KYAT3: variants seen among roughly 807,000 people sequenced by gnomAD.
The protein encoded by KYAT3 is kynurenine--oxoglutarate transaminase 3.
A neutral mutation model predicts 59.0 loss-of-function variants in KYAT3; 50 were observed. The ratio of observed to expected loss-of-function variants is 0.85; its 90% CI spans 0.68 to 1.07. The LOEUF is 1.07. KYAT3 is among the 50% of genes least tolerant of loss of function. The pLI, the probability that KYAT3 is intolerant of heterozygous loss-of-function variation, is 0.00. For missense variants in KYAT3, 497 were observed against 533.3 expected (o/e 0.93, Z 0.67); for synonymous variants, 148 against 177.0 (o/e 0.84, Z 1.30).
chr1:88,989,716 T>C (rs1385951380), intron 1 of KYAT3, among the ~76,000 whole-genome samples: 1 of 152,160 alleles, frequency 6.6e-6, no homozygotes, highest in East Asian at 1.9e-4. Flanking sequence ...ACTCTCTAGG[T>C]ACCAGGCCTC....
Position 88,959,108 on chromosome 1 carries a change from T to C in KYAT3, c.787+2059A>G, listed in dbSNP as rs925504788. Among the ~76,000 whole-genome samples the C allele has an allele frequency of 3.9e-5, 6 of 151,928 alleles. No homozygotes were observed. The East Asian group carries it at 9.7e-4, about 25-fold the overall frequency. ...GTCCGAGCAACATAGTGAGATGCTA[T>C]CTCTACAAAAATTTTTAAAAAATTA... On this transcript the variant is annotated intron_variant, in intron 8 of 13. Transcript: ENST00000260508.
intron 9 of KYAT3, among the ~76,000 whole-genome samples, chr1:88,954,194 G>A (rs1675810104): frequency 1.3e-5 from 2 of 152,128 alleles, no homozygotes; most frequent in Admixed American, 1.3e-4. Flanking sequence ...TACCACGCCT[G>A]GCCGATGCTC....
intron 2 of KYAT3, chr1:88,983,105 T>A: frequency 1.9e-6 from 3 of 1,612,398 alleles, no homozygotes; most frequent in Non-Finnish European, 2.5e-6. Flanking sequence ...ACGGTAAGTA[T>A]AATCTCGTGG....
At chr1:88,971,114 T>C (rs1388837893) in intron 2 of KYAT3, among the ~76,000 whole-genome samples, 1 of 152,186 alleles carries the variant, frequency 6.6e-6, no homozygotes, top group Admixed American at 6.5e-5. Flanking sequence ...CTCTTGTCTA[T>C]CTCTAACACA....
intron 4 of KYAT3, among the ~76,000 whole-genome samples, chr1:88,967,997 G>A (rs1271313129): frequency 6.6e-6 from 1 of 152,108 alleles, no homozygotes; most frequent in African/African-American, 2.4e-5. Context: ...TCTCACCAGT[G>A]TCAAACCCTG....
At chr1:88,949,744 T>A (rs1248327616) in intron 10 of KYAT3, among the ~76,000 whole-genome samples, 1 of 152,168 alleles carries the variant, frequency 6.6e-6, no homozygotes, top group Non-Finnish European at 1.5e-5. Context: ...GTGGAAATCC[T>A]TGCTGGAATT....
intron 8 of KYAT3, among the ~76,000 whole-genome samples, chr1:88,956,094 A>T (rs1379680793): frequency 1.3e-5 from 2 of 152,188 alleles, no homozygotes; most frequent in Non-Finnish European, 2.9e-5. Context: ...TATCAAACAC[A>T]CATATTTTCT....
chr1:88,982,810 G>C, intron 2 of KYAT3: 1 of 1,613,960 alleles, frequency 6.2e-7, no homozygotes. Context: ...TGCCAACCCT[G>C]TCACAACTTG....
At chr1:88,974,844 C>T (rs945337174) in intron 2 of KYAT3, among the ~76,000 whole-genome samples, 1 of 151,744 alleles carries the variant, frequency 6.6e-6, no homozygotes, top group African/African-American at 2.4e-5. Context: ...AATTAGCACT[C>T]TGTAAAATGG....
rs538350006 is a variant in KYAT3, at chr1:88,968,257, A to C, written c.303+413T>G. 4.3e-4 allele frequency among the ~76,000 whole-genome samples: 65 copies of C among 152,298 alleles called. 1 individual carries two copies. The South Asian group carries it at 0.013, about 32-fold the overall frequency. ...CGTCTGATCTAGAAAATCTTTGGCT[A>C]TCCTAGGCATTTCATTACAGAAGGA... is the stretch of plus-strand genomic sequence containing the variant. On this transcript the variant is annotated intron_variant, in intron 4 of 13. Coordinates refer to ENST00000260508, the MANE Select transcript of KYAT3 (RefSeq NM_001008661.3).
intron 8 of KYAT3, among the ~76,000 whole-genome samples, chr1:88,959,555 A>G (rs1676062824): frequency 7.0e-6 from 1 of 143,334 alleles, no homozygotes; most frequent in East Asian, 2.1e-4. Context: ...CCTGGGCAAC[A>G]GAGCAAGACT....
the KYAT3 span, among the ~76,000 whole-genome samples, chr1:88,924,096 A>G: frequency 6.6e-6 from 1 of 152,194 alleles, no homozygotes; most frequent in Non-Finnish European, 1.5e-5. Flanking sequence ...CACTGTGTTC[A>G]ATCTTAACTA....
At chr1:88,961,356 G>C in intron 7 of KYAT3, 25 bp downstream of exon 7, 1 of 1,613,548 alleles carries the variant, frequency 6.2e-7, no homozygotes, top group Non-Finnish European at 8.5e-7. Context: ...TCAGAAGACT[G>C]TATAAGGAGA....
chr1:88,967,421 G>T (rs1179000253), intron 4 of KYAT3, among the ~76,000 whole-genome samples: 1 of 151,372 alleles, frequency 6.6e-6, no homozygotes, highest in Non-Finnish European at 1.5e-5. Context: ...AGTAATTGCG[G>T]TTTTTGTCAT....
the KYAT3 span, among the ~76,000 whole-genome samples, chr1:88,930,094 A>G: frequency 2.0e-5 from 3 of 152,214 alleles, no homozygotes; most frequent in African/African-American, 7.2e-5. Context: ...CACAGGTCCG[A>G]GGGATCAGCT....
chr1:88,969,433 A>G lies in KYAT3; in HGVS notation c.134T>C (p.Ile45Thr). 6.3e-7 allele frequency: 1 copy of G among 1,577,424 alleles called. No homozygotes were observed. Among genetic ancestry groups the G allele is most frequent in the Non-Finnish European group, 8.7e-7 (1 of 1,148,074 alleles). The change falls in exon 3 of 14, where the codon ATT becomes ACT. Residue 45 changes from isoleucine (I) to threonine (T), a missense_variant. By Grantham distance (89) the Ile-to-Thr change is moderately conservative. Around this residue, in one of 2 missense-constraint regions of KYAT3, gnomAD observed 469 missense variants for 479.1 expected, o/e 0.98. Transcript: ENST00000260508. ...MSLKFTNAKR[I>T]EGLDSNVWIE... ...CCACACATTACTATCAAGTCCTTCA[A>G]TCCGTTTTGCATTTGTGAATTTCAG...
chr1:88,971,465 G>GTT (rs199814654), intron 2 of KYAT3, among the ~76,000 whole-genome samples: 2 of 151,016 alleles, frequency 1.3e-5, no homozygotes, highest in African/African-American at 4.9e-5. Context: ...GTTTCTCAAT[G>GTT]TTTTTTTTTA....
the KYAT3 span, among the ~76,000 whole-genome samples, chr1:88,926,553 C>T: frequency 2.6e-5 from 4 of 152,150 alleles, no homozygotes; most frequent in East Asian, 3.8e-4. Context: ...TGGGCTCAAG[C>T]GATCCTCCTG....
At chr1:88,941,432 T>C (rs966747653) in intron 13 of KYAT3, among the ~76,000 whole-genome samples, 1 of 152,182 alleles carries the variant, frequency 6.6e-6, no homozygotes, top group African/African-American at 2.4e-5. Flanking sequence ...AAAGGAGAAG[T>C]TTGATAGTGA....
Sources: allele counts gnomAD v4.1 joint callset (sites outside exome capture counted in the v4.1 genomes callset), GRCh38; gene constraint gnomAD v4.1.1; regional missense constraint gnomAD v4.1.1; transcripts MANE v1.5; gene names NCBI Gene and HGNC (gene_info 2026-07-23, HGNC 2026-07-21).